SERHL2: variants seen among roughly 807,000 people sequenced by gnomAD.
SERHL2 encodes the protein serine hydrolase-like protein 2.
A neutral mutation model predicts 25.5 loss-of-function variants in SERHL2; 29 were observed. The observed-to-expected ratio is 1.14, with a 90% CI of 0.85 to 1.55. SERHL2 has a LOEUF of 1.55. SERHL2 is among the 40% of genes most tolerant of loss of function. The pLI is 0.00. For missense variants in SERHL2, 240 were observed against 252.3 expected, an observed-to-expected ratio of 0.95 and a Z score of 0.33; for synonymous variants, 95 against 103.5, an observed-to-expected ratio of 0.92 and a Z score of 0.50.
intron 7 of SERHL2, 74 bp from the exon 8 acceptor site, chr22:42,560,112 G>A: frequency 9.0e-7 from 1 of 1,111,398 alleles, no homozygotes; most frequent in Admixed American, 1.7e-5. Context: ...GTCCCCCCCG[G>A]CCCTCCTCTC....
chr22:42,570,187 C>T (rs577789787), intron 9 of SERHL2, among the ~76,000 whole-genome samples: 12 of 151,914 alleles, frequency 7.9e-5, no homozygotes, highest in South Asian at 2.1e-4. Context: ...TTTGGGAGTC[C>T]GAGGCAGACA....
chr22:42,573,122 C>G (rs1357711304), intron 11 of SERHL2: 1 of 151,978 alleles, frequency 6.6e-6, no homozygotes, highest in Non-Finnish European at 1.5e-5. Flanking sequence ...GGTCACCTAC[C>G]CGGGAACACT....
At chr22:42,564,364 GTC>G (rs1333852433) in intron 8 of SERHL2, among the ~76,000 whole-genome samples, 1 of 151,458 alleles carries the variant, frequency 6.6e-6, no homozygotes. Flanking sequence ...ACTTGGGTCT[GTC>G]TCTGACTGCC....
Position 42,563,775 on chromosome 22 carries a change from A to T in SERHL2, c.614-2529A>T, listed in dbSNP as rs184940705. 3.8e-3 allele frequency among the ~76,000 whole-genome samples: 573 copies of T among 152,094 alleles called. 13 individuals are homozygous for T. The highest frequency in any genetic ancestry group is 4.5e-3 in the Non-Finnish European group (309 of 67,974). On this transcript the variant is annotated intron_variant, in intron 8 of 11. Transcript: ENST00000327678. ...TATTTTAAATAGAAAGATTTTATGT[A>T]AAAATACAGATTTCTAGACCAGGCA...
chr22:42,572,420 ACTC>A lies in SERHL2; in HGVS notation c.732-12_732-10del. ...CTAAGATGAACCCCAACAACCCCCA[ACTC>A]CTCACTTTCCAGAGCAGTCCACGGA... On this transcript the variant is annotated splice_polypyrimidine_tract_variant and intron_variant, in intron 10 of 11. Coordinates refer to ENST00000327678, the MANE Select transcript of SERHL2 (RefSeq NM_014509.5). 1 of 1,595,282 alleles carries A rather than the reference ACTC, an allele frequency of 6.3e-7. No homozygotes were observed. Among genetic ancestry groups the A allele is most frequent in the Non-Finnish European group, 8.6e-7 (1 of 1,164,764 alleles).
Position 42,566,350 on chromosome 22 carries a change from T to C in SERHL2, c.648+12T>C, listed in dbSNP as rs112080916. The C allele has an allele frequency of 6.8e-6, 11 of 1,610,916 alleles. No individual in the cohort carries two copies. In the East Asian group the frequency reaches 2.5e-4, roughly 36 times the overall value. On this transcript the variant is annotated intron_variant, in intron 9 of 11. Transcript: ENST00000327678. ...AGAGGCTCGCCTGGGTGAGTACCAC[T>C]GCCTCCGGGTCCCCCGCCAAGGTTT...
rs3046378 is a variant in SERHL2, at chr22:42,557,557, CAAAAAAAA to C, written c.424-772_424-765del. 8.8e-5 allele frequency among the ~76,000 whole-genome samples: 4 copies of C among 45,518 alleles called. No individual in the cohort carries two copies. The South Asian group carries it at 2.4e-3, about 28-fold the overall frequency. 29.9% of individuals were successfully genotyped at this position (45,518 alleles called of 152,430 possible). A position where few individuals can be genotyped will look rare whatever the true frequency, so the allele number is the denominator to read the frequency against. Reference sequence around the variant, plus strand: ...GCAACAAGAGGGAAACTCCGTCTCCCAAAAAAAAAAAAAAAAAAAAAAAAAAGAATGAC... The same window carrying C: ...GCAACAAGAGGGAAACTCCGTCTCCCAAAAAAAAAAAAAAAAAAGAATGAC... On this transcript the variant is annotated intron_variant, in intron 6 of 11. Coordinates refer to ENST00000327678, the MANE Select transcript of SERHL2 (RefSeq NM_014509.5).
At chr22:42,571,050 G>C (rs1924104479) in intron 9 of SERHL2, 71 bp from the exon 10 acceptor site, 1 of 1,607,318 alleles carries the variant, frequency 6.2e-7, no homozygotes, top group Non-Finnish European at 8.5e-7. Context: ...CACCCCAACA[G>C]AGATGGGTTT....
chr22:42,568,100 C>T (rs558360979), intron 9 of SERHL2, among the ~76,000 whole-genome samples: 17 of 152,036 alleles, frequency 1.1e-4, no homozygotes, highest in African/African-American at 3.6e-4. Context: ...TTATGGCTCA[C>T]ACAGCTTCAA....
rs1355983475 is a variant in SERHL2, at chr22:42,567,555, T to G, written c.648+1217T>G. Among the ~76,000 whole-genome samples the G allele has an allele frequency of 3.3e-5, 5 of 151,308 alleles. No homozygotes were observed. The East Asian group carries it at 7.9e-4, about 24-fold the overall frequency. ...GGCAGGCGCCTGTAGTCCCAGCTAC[T>G]CGGGAGGCTGAGGCAGGAGAATGGC... On this transcript the variant is annotated intron_variant, in intron 9 of 11. Coordinates refer to ENST00000327678, the MANE Select transcript of SERHL2 (RefSeq NM_014509.5).
At position 42,574,204 on chromosome 22, in the gene SERHL2, G is replaced by A. The variant is rs1388849935; in HGVS notation, c.*149G>A. On this transcript the variant is annotated 3_prime_UTR_variant, in exon 12 of 12. Transcript: ENST00000327678. ...TAGGATGGTAGTCAGGGGAAGGAGC[G>A]AGATTCCAACTTCAACATCTGTGAC... 18 of 678,968 alleles carry A rather than the reference G, an allele frequency of 2.7e-5. No homozygotes were observed. The highest frequency in any genetic ancestry group is 3.6e-4 in the Middle Eastern group (1 of 2,746). The allele number at this position is 678,968 out of a possible 1,614,324, so 42.1% of individuals were successfully genotyped here. A position where few individuals can be genotyped will look rare whatever the true frequency, so the allele number is the denominator to read the frequency against.
At chr22:42,571,360 G>A in intron 10 of SERHL2, 157 bp downstream of exon 10, 2 of 1,464,356 alleles carry the variant, frequency 1.4e-6, no homozygotes, top group Non-Finnish European at 1.8e-6. Flanking sequence ...TGGCAGCAGG[G>A]TCATGGAAGG....
At chr22:42,561,750 TTGGCCTC>T (rs1601836738) in intron 8 of SERHL2, among the ~76,000 whole-genome samples, 1 of 151,962 alleles carries the variant, frequency 6.6e-6, no homozygotes, top group East Asian at 1.9e-4. Context: ...GTGGGCTGTT[TTGGCCTC>T]GGGTCGCCAG....
At chr22:42,565,049 A>G (rs971583191) in intron 8 of SERHL2, 4 of 152,218 alleles carry the variant, frequency 2.6e-5, no homozygotes, top group African/African-American at 9.7e-5. Flanking sequence ...AAAGAGAGCA[A>G]AGGGTGATGG....
At chr22:42,573,693 C>G in intron 11 of SERHL2, 1 of 549,920 alleles carries the variant, frequency 1.8e-6, no homozygotes, top group East Asian at 3.2e-5. Flanking sequence ...CCCTGCCATG[C>G]AACTTCACAA....
chr22:42,571,201 C>T lies in SERHL2; in HGVS notation c.729C>T (p.Ile243=), dbSNP rs145260306. The change falls in exon 10 of 12, where the codon ATC becomes ATT. Residue 243 remains isoleucine, a splice_region_variant and synonymous_variant. Transcript: ENST00000327678. ...AGCTGCAGGCCCATGTCCTGTTGAT[C>T]AAGTAAGTCTGGACCCATCCCCTTC... ...IRKLQAHVLL[I]KAVHGYFDSR... is the part of the protein sequence containing the mutation. 74 of 1,613,134 alleles carry T rather than the reference C, an allele frequency of 4.6e-5. No individual in the cohort carries two copies. In the African/African-American group the frequency reaches 8.7e-4, roughly 19 times the overall value.
intron 9 of SERHL2, among the ~76,000 whole-genome samples, chr22:42,567,469 C>G (rs1365117660): frequency 6.7e-6 from 1 of 150,034 alleles, no homozygotes; most frequent in Admixed American, 6.6e-5. Flanking sequence ...TCGAGACCAT[C>G]CTGGCTAACA....
chr22:42,567,430 C>CAAGGCAGGCGG (rs1569280726), intron 9 of SERHL2, among the ~76,000 whole-genome samples: 1 of 149,924 alleles, frequency 6.7e-6, no homozygotes, highest in African/African-American at 2.5e-5. Flanking sequence ...TTTGGGAGGC[C>CAAGGCAGGCGG]GAGGCGGGTG....
intron 10 of SERHL2, 147 bp downstream of exon 10, chr22:42,571,350 T>C (rs555152668): frequency 4.1e-6 from 6 of 1,477,400 alleles, no homozygotes; most frequent in Admixed American, 4.3e-5. Flanking sequence ...GAAGCCCCCC[T>C]GGCAGCAGGG....
Sources: allele counts gnomAD v4.1 joint callset (sites outside exome capture counted in the v4.1 genomes callset), GRCh38; gene constraint gnomAD v4.1.1; transcripts MANE v1.5; gene names NCBI Gene and HGNC (gene_info 2026-07-23, HGNC 2026-07-21).